Variants in GALNT18 observed in about 807,000 individuals in gnomAD.
GALNT18 encodes the protein GalNAc-transferase 18.
A neutral mutation model predicts 69.5 loss-of-function variants in GALNT18; 44 were observed. The ratio of observed to expected loss-of-function variants is 0.63; its 90% confidence interval spans 0.50 to 0.81. The LOEUF is 0.81. GALNT18 is among the 40% of genes least tolerant of loss of function. GALNT18 has a pLI of 0.00. For missense variants in GALNT18, 715 were observed against 810.0 expected, an observed-to-expected ratio of 0.88 and a Z score of 1.42; for synonymous variants, 364 against 318.2, an observed-to-expected ratio of 1.14 and a Z score of -1.53.
At position 11,282,070 on chromosome 11, in the gene GALNT18, T is replaced by TAAA. The variant is rs34746517; in HGVS notation, c.1678-10783_1678-10781dup. On this transcript the variant is annotated intron_variant, in intron 10 of 10. Transcript: ENST00000227756. ...CTCTTCAACAAAAATTATAAAAGGT[T>TAAA]AAAGTTTAAAACTTGCTTAAACTTT... 7.0e-3 allele frequency among the ~76,000 whole-genome samples: 1,059 copies of TAAA among 152,242 alleles called. 15 individuals carry two copies. The highest frequency in any genetic ancestry group is 0.021 in the African/African-American group (882 of 41,510).
At position 11,621,793 on chromosome 11, in the gene GALNT18, A is replaced by G; in HGVS notation, c.-200T>C. 1.7e-6 allele frequency: 1 copy of G among 594,536 alleles called. No homozygotes were observed. Among genetic ancestry groups the G allele is most frequent in the South Asian group, 2.0e-5 (1 of 49,168 alleles). 36.8% of individuals were successfully genotyped at this position (594,536 alleles called of 1,614,324 possible). On this transcript the variant is annotated 5_prime_UTR_variant, in exon 1 of 11. Transcript: ENST00000227756. The surrounding 1 kb of genome is among the most constrained non-coding windows in gnomAD (Gnocchi z 9.3). ...GCAGCTCCTGCCGCTGGCCACCCGG[A>G]GAGACCTTGACAAAGGAAACCAGGT...
chr11:11,391,131 G>A (rs1417395640), intron 3 of GALNT18, among the ~76,000 whole-genome samples: 1 of 152,124 alleles, frequency 6.6e-6, no homozygotes, highest in Non-Finnish European at 1.5e-5. Flanking sequence ...ACTGCCCTGG[G>A]ACATCCCCAG....
chr11:11,353,744 G>A (rs575284028), intron 6 of GALNT18, among the ~76,000 whole-genome samples: 12 of 152,204 alleles, frequency 7.9e-5, no homozygotes, highest in African/African-American at 2.6e-4. Flanking sequence ...CTCTTTAAAC[G>A]AGTGTCCAAA....
At chr11:11,367,889 C>CT (rs1349012217) in intron 6 of GALNT18, among the ~76,000 whole-genome samples, 2 of 151,928 alleles carry the variant, frequency 1.3e-5, no homozygotes, top group Admixed American at 6.6e-5. Flanking sequence ...CAATGGAGGC[C>CT]TTTTTTTATG....
rs189876394 is a variant in GALNT18, at chr11:11,454,198, G to A, written c.236-5262C>T. Among the ~76,000 whole-genome samples the A allele has an allele frequency of 5.3e-5, 8 of 152,292 alleles. No individual in the cohort carries two copies. Among genetic ancestry groups the A allele is most frequent in the South Asian group, 2.1e-4 (1 of 4,826 alleles). ...GCACAAAGCCAGTGAAGGCATGGCC[G>A]GGGCAAATTCCAGCTGTGTGCAGTT... On this transcript the variant is annotated intron_variant, in intron 1 of 10. Transcript: ENST00000227756. This position sits in a 1 kb window ranked among gnomAD's most constrained non-coding sequence, Gnocchi z 4.2.
chr11:11,336,556 A>C (rs1850117806), intron 7 of GALNT18, among the ~76,000 whole-genome samples: 1 of 152,224 alleles, frequency 6.6e-6, no homozygotes, highest in African/African-American at 2.4e-5. Context: ...GAAGGGTTGA[A>C]GGGCTCCAGC....
intron 9 of GALNT18, among the ~76,000 whole-genome samples, chr11:11,322,179 T>C (rs1355049486): frequency 6.6e-6 from 1 of 152,240 alleles, no homozygotes; most frequent in Non-Finnish European, 1.5e-5. Context: ...CCATTGTTAG[T>C]CCACATTTTA....
chr11:11,272,218 C>T (rs539187762), intron 10 of GALNT18, among the ~76,000 whole-genome samples: 1 of 152,318 alleles, frequency 6.6e-6, no homozygotes, highest in South Asian at 2.1e-4. Flanking sequence ...GAAACATGGA[C>T]ATTTTCATTT....
Position 11,480,682 on chromosome 11 carries a change from G to A in GALNT18, c.236-31746C>T, listed in dbSNP as rs959200397. 1.3e-5 allele frequency among the ~76,000 whole-genome samples: 2 copies of A among 152,208 alleles called. No individual in the cohort carries two copies. Among genetic ancestry groups the A allele is most frequent in the African/African-American group, 4.8e-5 (2 of 41,454 alleles). The stretch of plus-strand genomic sequence containing the variant: ...GCAGAGAAGTGACATTGAGAGGCTG[G>A]CTTCAGCCTCCAGAGTCTTCCCTGA... On this transcript the variant is annotated intron_variant, in intron 1 of 10. Transcript: ENST00000227756. This position sits in a 1 kb window ranked among gnomAD's most constrained non-coding sequence, Gnocchi z 4.6.
intron 1 of GALNT18, among the ~76,000 whole-genome samples, chr11:11,572,356 A>T (rs995809818): frequency 1.3e-5 from 2 of 152,234 alleles, no homozygotes; most frequent in African/African-American, 2.4e-5. Context: ...ATTAACATTT[A>T]TCAACTGTCA....
chr11:11,533,227 C>T lies in GALNT18; in HGVS notation c.236-84291G>A, dbSNP rs555840976. On this transcript the variant is annotated intron_variant, in intron 1 of 10. Coordinates refer to ENST00000227756, the MANE Select transcript of GALNT18 (RefSeq NM_198516.3). ...TGAACTGCTACCAGGAATGAGGTAG[C>T]TTCTTTAGCTTGTTTCATCCTCAGG... Among the ~76,000 whole-genome samples the T allele has an allele frequency of 2.0e-5, 3 of 152,304 alleles. No homozygotes were observed. In the South Asian group the frequency reaches 6.2e-4, roughly 32 times the overall value.
At chr11:11,330,732 C>T (rs912350772) in intron 8 of GALNT18, among the ~76,000 whole-genome samples, 8 of 152,316 alleles carry the variant, frequency 5.3e-5, no homozygotes, top group African/African-American at 1.9e-4. Flanking sequence ...CTGGGGATGG[C>T]ATGGAGGGCC....
intron 9 of GALNT18, among the ~76,000 whole-genome samples, chr11:11,317,572 C>T (rs773907385): frequency 1.2e-4 from 19 of 152,100 alleles, no homozygotes; most frequent in Non-Finnish European, 2.2e-4. Flanking sequence ...TTTGCCCATT[C>T]TTAATGGGTT....
In GALNT18 at chr11:11,619,368, T is replaced by G. The variant is rs1190138313; in HGVS notation, c.235+1991A>C. The stretch of plus-strand genomic sequence containing the variant: ...TTGAAAGTGCTGAACAACACATAGT[T>G]ATAAAGTTTCCGGGGAGAAAAATCA... On this transcript the variant is annotated intron_variant, in intron 1 of 10. Coordinates refer to ENST00000227756, the MANE Select transcript of GALNT18 (RefSeq NM_198516.3). This position sits in a 1 kb window ranked among gnomAD's most constrained non-coding sequence, Gnocchi z 4.9. Among the ~76,000 whole-genome samples the G allele has an allele frequency of 6.6e-6, 1 of 152,194 alleles. No individual in the cohort carries two copies. The highest frequency in any genetic ancestry group is 1.5e-5 in the Non-Finnish European group (1 of 68,038).
chr11:11,400,324 C>A (rs1438898978), intron 3 of GALNT18, among the ~76,000 whole-genome samples: 1 of 152,156 alleles, frequency 6.6e-6, no homozygotes, highest in Non-Finnish European at 1.5e-5. Flanking sequence ...GTTGCTTTAA[C>A]CTGTTAAGAC....
At chr11:11,553,256 T>A (rs770689338) in intron 1 of GALNT18, among the ~76,000 whole-genome samples, 1 of 152,198 alleles carries the variant, frequency 6.6e-6, no homozygotes, top group Non-Finnish European at 1.5e-5. Context: ...CCAGATTAGT[T>A]ATCTTCCCAT....
intron 1 of GALNT18, among the ~76,000 whole-genome samples, chr11:11,532,441 T>C (rs1412449535): frequency 2.0e-5 from 3 of 152,352 alleles, no homozygotes; most frequent in Non-Finnish European, 1.5e-5. Flanking sequence ...GTCCAAGCCC[T>C]GGCCCTTTCC....
At position 11,613,450 on chromosome 11, in the gene GALNT18, T is replaced by G. The variant is rs1859962451; in HGVS notation, c.235+7909A>C. Among the ~76,000 whole-genome samples, 1 of 152,236 alleles carries G rather than the reference T, an allele frequency of 6.6e-6. No homozygotes were observed. Among genetic ancestry groups the G allele is most frequent in the South Asian group, 2.1e-4 (1 of 4,836 alleles). ...TTCAAGGTTGTTACATTCCCTTGCATACTAATATGCCTTCTCAAGTAGGAA... is the reference window on the plus strand; with the variant it reads ...TTCAAGGTTGTTACATTCCCTTGCAGACTAATATGCCTTCTCAAGTAGGAA... On this transcript the variant is annotated intron_variant, in intron 1 of 10. Coordinates refer to ENST00000227756, the MANE Select transcript of GALNT18 (RefSeq NM_198516.3). This position sits in a 1 kb window ranked among gnomAD's most constrained non-coding sequence, Gnocchi z 4.2.
intron 2 of GALNT18, among the ~76,000 whole-genome samples, chr11:11,448,142 T>G (rs1466922182): frequency 6.6e-6 from 1 of 151,754 alleles, no homozygotes; most frequent in African/African-American, 2.4e-5. Context: ...AGATATAAGC[T>G]CACTGTGGTT....
Sources: gnomAD v4.1 joint callset for allele counts (sites outside exome capture counted in the v4.1 genomes callset) on GRCh38, gnomAD v4.1.1 for gene constraint, Gnocchi (gnomAD v3.1) non-coding constraint, MANE v1.5 for transcripts, NCBI Gene and HGNC (gene_info 2026-07-23, HGNC 2026-07-21) for gene names.